Variants in IQGAP2 observed in about 807,000 individuals in gnomAD.
The protein encoded by IQGAP2 is ras GTPase-activating-like protein IQGAP2.
In IQGAP2, 173 loss-of-function variants were observed where a neutral mutation model predicts 201.3. That is an observed-to-expected ratio of 0.86 (90% CI 0.76 to 0.98). The LOEUF is 0.98. Among genes scored for constraint, IQGAP2 ranks in the 50% least tolerant of loss-of-function variants. The probability of loss-of-function intolerance (pLI) is 0.00; values close to 1 mark genes in which losing one functional copy is unlikely to be tolerated. For missense variants in IQGAP2, 1,687 were observed against 1,864.8 expected (o/e 0.90, Z 1.76); for synonymous variants, 675 against 673.9 (o/e 1.00, Z -0.03).
In IQGAP2 at chr5:76,452,905, C is replaced by CTTTTTTT. The variant is rs71604293; in HGVS notation, c.47-8648_47-8642dup. On this transcript the variant is annotated intron_variant, in intron 1 of 35. Coordinates refer to ENST00000274364, the MANE Select transcript of IQGAP2 (RefSeq NM_006633.5). Reference sequence around the variant, plus strand: ...AATGTATTTTCCAATCAATTCCTATCTTTTTTTTTTTTTTTTTTTTTTTGA... The same window carrying CTTTTTTT: ...AATGTATTTTCCAATCAATTCCTATCTTTTTTTTTTTTTTTTTTTTTTTTTTTTTTGA... Among the ~76,000 whole-genome samples, 8 of 106,056 alleles carry CTTTTTTT rather than the reference C, an allele frequency of 7.5e-5. 1 individual carries two copies. In the South Asian group the frequency reaches 1.2e-3, roughly 16 times the overall value. The allele number at this position is 106,056 out of a possible 152,430, so 69.6% of individuals were successfully genotyped here.
At chr5:76,544,869 C>T (rs541624042) in intron 2 of IQGAP2, among the ~76,000 whole-genome samples, 1 of 151,988 alleles carries the variant, frequency 6.6e-6, no homozygotes, top group Non-Finnish European at 1.5e-5. Flanking sequence ...ATAGGTAACT[C>T]TATAGCGATA....
intron 13 of IQGAP2, among the ~76,000 whole-genome samples, chr5:76,622,994 G>C (rs989418837): frequency 1.3e-5 from 2 of 152,164 alleles, no homozygotes; most frequent in Non-Finnish European, 2.9e-5. Context: ...GGTTTGAATA[G>C]AGTGAATGAA....
At chr5:76,684,459 C>G (rs1475273997) in intron 30 of IQGAP2, among the ~76,000 whole-genome samples, 1 of 152,204 alleles carries the variant, frequency 6.6e-6, no homozygotes, top group Non-Finnish European at 1.5e-5. Context: ...TTAAATAATA[C>G]TATCTTTTCT....
chr5:76,523,265 A>AC (rs1014846195), intron 2 of IQGAP2, among the ~76,000 whole-genome samples: 8 of 151,690 alleles, frequency 5.3e-5, no homozygotes, highest in Non-Finnish European at 1.2e-4. Context: ...AAAAAAAAAA[A>AC]ATTTTGTAAG....
At chr5:76,413,484 C>A (rs898867011) in intron 1 of IQGAP2, among the ~76,000 whole-genome samples, 3 of 152,180 alleles carry the variant, frequency 2.0e-5, no homozygotes, top group African/African-American at 7.2e-5. Context: ...CCTATTTTCT[C>A]TTCAGAATGG....
chr5:76,457,335 A>C (rs2150122049), intron 1 of IQGAP2, among the ~76,000 whole-genome samples: 1 of 152,304 alleles, frequency 6.6e-6, no homozygotes, highest in African/African-American at 2.4e-5. Context: ...GAAACACCCT[A>C]AATAATACCC....
At chr5:76,559,111 C>T (rs2150248702) in intron 2 of IQGAP2, among the ~76,000 whole-genome samples, 1 of 152,254 alleles carries the variant, frequency 6.6e-6, no homozygotes, top group Non-Finnish European at 1.5e-5. Flanking sequence ...CCGTGTTAGC[C>T]AGGATGATCT....
intron 2 of IQGAP2, among the ~76,000 whole-genome samples, chr5:76,501,925 G>A (rs992072880): frequency 1.3e-5 from 2 of 151,908 alleles, no homozygotes; most frequent in East Asian, 1.9e-4. Flanking sequence ...TTACAGGTGT[G>A]AGCCACCGCT....
At chr5:76,658,743 CA>C (rs58779900) in intron 21 of IQGAP2, 76 bp downstream of exon 21, 42,551 of 1,233,968 alleles carry the variant, frequency 0.034, 1,500 homozygotes, top group African/African-American at 0.14. Flanking sequence ...CACTTAATGA[CA>C]GGGATACATT....
chr5:76,660,179 G>A (rs1212867349), intron 21 of IQGAP2: 1 of 152,204 alleles, frequency 6.6e-6, no homozygotes, highest in African/African-American at 2.4e-5. Context: ...CCAGTTACAT[G>A]GGCATGTGAA....
chr5:76,696,692 G>A (rs924636089), intron 32 of IQGAP2, among the ~76,000 whole-genome samples: 4 of 152,114 alleles, frequency 2.6e-5, no homozygotes, highest in African/African-American at 4.8e-5. Context: ...TAGCCCAAGT[G>A]ACTCAAGGGA....
At chr5:76,512,732 C>T (rs2150184219) in intron 2 of IQGAP2, among the ~76,000 whole-genome samples, 1 of 152,348 alleles carries the variant, frequency 6.6e-6, no homozygotes. Context: ...TTGCCTCTAT[C>T]AACTATATAC....
At chr5:76,448,444 G>T (rs2150111904) in intron 1 of IQGAP2, among the ~76,000 whole-genome samples, 2 of 152,202 alleles carry the variant, frequency 1.3e-5, no homozygotes, top group Middle Eastern at 6.8e-3. Context: ...TCTCCCCTTA[G>T]ATAACTCTAA....
intron 8 of IQGAP2, among the ~76,000 whole-genome samples, chr5:76,591,314 TC>T (rs1484672466): frequency 6.6e-6 from 1 of 150,590 alleles, no homozygotes; most frequent in East Asian, 1.9e-4. Flanking sequence ...TGTTTTTGAA[TC>T]TACAGTCTTC....
chr5:76,658,661 A>T lies in IQGAP2; in HGVS notation c.2523A>T (p.Thr841=). The T allele has an allele frequency of 6.2e-7, 1 of 1,613,706 alleles. No individual in the cohort carries two copies. The highest frequency in any genetic ancestry group is 8.5e-7 in the Non-Finnish European group (1 of 1,179,842). Residue 841 remains threonine, a synonymous_variant, in exon 21 of 36, where the codon ACA becomes ACT. Coordinates refer to ENST00000274364, the MANE Select transcript of IQGAP2 (RefSeq NM_006633.5). The stretch of plus-strand genomic sequence containing the variant: ...GACTGCTGGTGAAGAACAGGATCAC[A>T]CTAGAGGTCAGTGGGGTTTTTGGGA... ...KIGLLVKNRI[T]LEDVISHSKK...
chr5:76,424,931 A>ACAGGCTGTGT (rs1751915544), intron 1 of IQGAP2, among the ~76,000 whole-genome samples: 1 of 152,192 alleles, frequency 6.6e-6, no homozygotes, highest in South Asian at 2.1e-4. Flanking sequence ...TGAAGAGGAG[A>ACAGGCTGTGT]CAGGCTGTGC....
At chr5:76,548,222 G>C (rs1017704579) in intron 2 of IQGAP2, among the ~76,000 whole-genome samples, 1 of 152,200 alleles carries the variant, frequency 6.6e-6, no homozygotes, top group Non-Finnish European at 1.5e-5. Flanking sequence ...TAATGAAGAT[G>C]AATACAGTTG....
chr5:76,463,777 A>G (rs979186001), intron 2 of IQGAP2, among the ~76,000 whole-genome samples: 3 of 152,124 alleles, frequency 2.0e-5, no homozygotes, highest in Non-Finnish European at 4.4e-5. Context: ...AATTTATTTG[A>G]TGAGTATATT....
At chr5:76,466,536 A>G (rs187648015) in intron 2 of IQGAP2, among the ~76,000 whole-genome samples, 74 of 152,342 alleles carry the variant, frequency 4.9e-4, no homozygotes, top group African/African-American at 1.7e-3. Flanking sequence ...AGAGTCTAGA[A>G]ATAAACCCTA....
Sources: gnomAD v4.1 joint callset for allele counts (sites outside exome capture counted in the v4.1 genomes callset) on GRCh38, gnomAD v4.1.1 for gene constraint, MANE v1.5 for transcripts, NCBI Gene and HGNC (gene_info 2026-07-23, HGNC 2026-07-21) for gene names.